The following GLYR1 variants were observed in gnomAD, a reference collection of about 807,000 sequenced individuals.
The protein encoded by GLYR1 is cytokine-like nuclear factor N-PAC.
GLYR1 carries 21 observed loss-of-function variants against 72.7 expected under a neutral mutation model. The observed-to-expected ratio is 0.29, with a 90% CI of 0.20 to 0.42. GLYR1 has a LOEUF of 0.42. Ranked by LOEUF, GLYR1 falls within the 10% of genes least tolerant of loss-of-function variation. The pLI, the probability that GLYR1 is intolerant of heterozygous loss-of-function variation, is 1.00. For synonymous variants in GLYR1, 392 were observed against 270.2 expected, an observed-to-expected ratio of 1.45 and a Z score of -4.42; for missense variants, 594 against 712.1, an observed-to-expected ratio of 0.83 and a Z score of 1.89.
chr16:4,839,059 C>G (rs986306182), intron 3 of GLYR1, among the ~76,000 whole-genome samples: 2 of 152,116 alleles, frequency 1.3e-5, no homozygotes, highest in Admixed American at 1.3e-4. Context: ...AACCCTCTCA[C>G]CTGTGTTTCA....
intron 5 of GLYR1, among the ~76,000 whole-genome samples, chr16:4,824,427 G>T (rs1445939546): frequency 1.3e-5 from 2 of 149,620 alleles, no homozygotes; most frequent in Non-Finnish European, 3.0e-5. Context: ...TTGAACCGGG[G>T]AGGTGGAAGT....
At chr16:4,811,970 G>A in intron 13 of GLYR1, 116 bp downstream of exon 13, 1 of 1,469,226 alleles carries the variant, frequency 6.8e-7, no homozygotes, top group Non-Finnish European at 9.1e-7. Context: ...GCAGGTGAAA[G>A]GAAACCTTCC....
chr16:4,817,442 T>A, intron 10 of GLYR1, among the ~76,000 whole-genome samples, 156 bp downstream of exon 10: 1 of 152,066 alleles, frequency 6.6e-6, no homozygotes, highest in Non-Finnish European at 1.5e-5. Context: ...TATAATAACA[T>A]CCTAAGTTTA....
chr16:4,805,044 CT>C lies in GLYR1; in HGVS notation c.*191del, dbSNP rs1321305589. 1 of 608,276 alleles carries C rather than the reference CT, an allele frequency of 1.6e-6. No homozygotes were observed. The highest frequency in any genetic ancestry group is 3.0e-6 in the Non-Finnish European group (1 of 337,476). 37.7% of individuals were successfully genotyped at this position (608,276 alleles called of 1,614,324 possible). On this transcript the variant is annotated 3_prime_UTR_variant, in exon 16 of 16. Transcript: ENST00000321919. Reference sequence around the variant, plus strand: ...TTCCCACACGCCAATCCTGCTGACACTTGTCCCCTCCCCACCGGCCTCAGGG... The same window carrying C: ...TTCCCACACGCCAATCCTGCTGACACTGTCCCCTCCCCACCGGCCTCAGGG...
At chr16:4,844,624 G>A (rs1197671569) in intron 3 of GLYR1, among the ~76,000 whole-genome samples, 4 of 152,162 alleles carry the variant, frequency 2.6e-5, no homozygotes, top group African/African-American at 9.7e-5. Context: ...AGCTGGGCAT[G>A]GTGGTGCACA....
At chr16:4,836,264 T>C (rs1349159140) in intron 3 of GLYR1, among the ~76,000 whole-genome samples, 4 of 152,200 alleles carry the variant, frequency 2.6e-5, no homozygotes, top group African/African-American at 9.6e-5. Flanking sequence ...GATGTACTGC[T>C]CACCAGTGAG....
chr16:4,829,696 G>T (rs768494560), intron 5 of GLYR1, among the ~76,000 whole-genome samples: 1 of 144,224 alleles, frequency 6.9e-6, no homozygotes, highest in Non-Finnish European at 1.5e-5. Context: ...TCTTTGAGAC[G>T]GAGTCTCACT....
At chr16:4,818,228 C>T (rs944711085) in intron 9 of GLYR1, among the ~76,000 whole-genome samples, 5 of 152,086 alleles carry the variant, frequency 3.3e-5, no homozygotes, top group Non-Finnish European at 5.9e-5. Context: ...CTCCTGACCT[C>T]GTGATCTGCC....
intron 3 of GLYR1, among the ~76,000 whole-genome samples, chr16:4,834,464 T>G (rs757784302): frequency 1.7e-4 from 25 of 146,870 alleles, no homozygotes; most frequent in Non-Finnish European, 1.5e-4. Flanking sequence ...ACACCTGGCC[T>G]TTTTTTTTTC....
intron 15 of GLYR1, among the ~76,000 whole-genome samples, chr16:4,806,095 C>G (rs905120192): frequency 5.3e-5 from 8 of 152,204 alleles, no homozygotes; most frequent in African/African-American, 1.9e-4. Context: ...GTTCTCACAC[C>G]TGTGGTGCTT....
chr16:4,844,359 CAT>C (rs202155056), intron 3 of GLYR1, among the ~76,000 whole-genome samples: 12,899 of 152,252 alleles, frequency 0.085, 813 homozygotes, highest in East Asian at 0.26. Context: ...TAGTTTTACA[CAT>C]GAGAACATGA....
At chr16:4,815,441 G>A (rs931822314) in intron 10 of GLYR1, among the ~76,000 whole-genome samples, 11 of 152,202 alleles carry the variant, frequency 7.2e-5, no homozygotes, top group Non-Finnish European at 1.3e-4. Flanking sequence ...AAACTTCACT[G>A]AGAGATATAC....
In GLYR1 at chr16:4,808,627, C is replaced by CATAAA. The variant is rs2083139136; in HGVS notation, c.1587+2538_1587+2542dup. 2.7e-5 allele frequency among the ~76,000 whole-genome samples: 4 copies of CATAAA among 148,902 alleles called. No homozygotes were observed. In the South Asian group the frequency reaches 8.3e-4, roughly 31 times the overall value. On this transcript the variant is annotated intron_variant, in intron 15 of 15. Transcript: ENST00000321919. ...AATAAAATAAAATAAAATAAAATAA[C>CATAAA]ATAAAATAAAAGTGTATCAGCTGAT...
intron 3 of GLYR1, among the ~76,000 whole-genome samples, chr16:4,841,657 C>G (rs201520692): frequency 1.8e-3 from 202 of 114,432 alleles, no homozygotes; most frequent in African/African-American, 5.2e-3. Context: ...ACAAGAACAA[C>G]AACAACAACA....
chr16:4,821,053 C>T (rs1465980418), intron 9 of GLYR1, among the ~76,000 whole-genome samples: 3 of 152,224 alleles, frequency 2.0e-5, no homozygotes, highest in African/African-American at 7.2e-5. Flanking sequence ...ATTCTTGGGC[C>T]CCACCCGGAC....
In GLYR1 at chr16:4,821,391, G is replaced by A. The variant is rs575998687; in HGVS notation, c.795C>T (p.Pro265=). 13 of 1,613,116 alleles carry A rather than the reference G, an allele frequency of 8.1e-6. No individual in the cohort carries two copies. The African/African-American group carries it at 1.6e-4, about 20-fold the overall frequency. Residue 265 remains proline, a synonymous_variant, in exon 9 of 16, where the codon CCC becomes CCT. Coordinates refer to ENST00000321919, the MANE Select transcript of GLYR1 (RefSeq NM_032569.4). Reference sequence around the variant, plus strand: ...ATCAAAGGTCCTACTTTTTGTCTGTGGGTGTGATGCTGCCATTCACGGCTG... The same window carrying A: ...ATCAAAGGTCCTACTTTTTGTCTGTAGGTGTGATGCTGCCATTCACGGCTG... ...DSTAVNGSIT[P]TDKKIGFLGL... is the part of the protein sequence containing the mutation.
intron 14 of GLYR1, 119 bp from the exon 15 acceptor site, chr16:4,811,413 C>T: frequency 7.4e-7 from 1 of 1,356,724 alleles, no homozygotes; most frequent in South Asian, 1.3e-5. Flanking sequence ...ATAGCCTAGG[C>T]CTCTTGGCTC....
intron 12 of GLYR1, among the ~76,000 whole-genome samples, chr16:4,813,330 C>A (rs1446027635): frequency 6.6e-6 from 1 of 152,192 alleles, no homozygotes; most frequent in African/African-American, 2.4e-5. Context: ...TGAACACACA[C>A]CTCCCCTGTG....
intron 15 of GLYR1, among the ~76,000 whole-genome samples, chr16:4,806,913 T>C (rs1411609350): frequency 2.0e-5 from 3 of 151,006 alleles, no homozygotes; most frequent in Non-Finnish European, 3.0e-5. Flanking sequence ...TTCACGCCAT[T>C]CTCCTGCTTC....
Sources: allele counts gnomAD v4.1 joint callset (sites outside exome capture counted in the v4.1 genomes callset), GRCh38; gene constraint gnomAD v4.1.1; transcripts MANE v1.5; gene names NCBI Gene and HGNC (gene_info 2026-07-23, HGNC 2026-07-21).